Variants in DNM3 observed in about 807,000 individuals in gnomAD.
The protein encoded by DNM3 is dynamin-3.
A neutral mutation model predicts 101.6 loss-of-function variants in DNM3; 47 were observed. That is an observed-to-expected ratio of 0.46 (90% CI 0.37 to 0.59). DNM3 has a LOEUF of 0.59. DNM3 is among the 20% of genes least tolerant of loss of function. The pLI, the probability that DNM3 is intolerant of heterozygous loss-of-function variation, is 0.00. For missense variants in DNM3, 849 were observed against 1,085.7 expected, an observed-to-expected ratio of 0.78 and a Z score of 3.06; for synonymous variants, 385 against 387.9, an observed-to-expected ratio of 0.99 and a Z score of 0.09.
intron 17 of DNM3, among the ~76,000 whole-genome samples, chr1:172,343,887 T>C (rs976146644): frequency 6.6e-6 from 1 of 152,186 alleles, no homozygotes; most frequent in Admixed American, 6.5e-5. Context: ...TATTTTTACA[T>C]GTTATTTACT....
At chr1:172,306,996 G>A (rs1490235569) in intron 15 of DNM3, among the ~76,000 whole-genome samples, 1 of 152,126 alleles carries the variant, frequency 6.6e-6, no homozygotes. Flanking sequence ...AACACCAAAA[G>A]CAACCACAAC....
intron 14 of DNM3, among the ~76,000 whole-genome samples, chr1:172,173,071 G>C (rs1202222760): frequency 6.6e-6 from 1 of 151,834 alleles, no homozygotes; most frequent in Non-Finnish European, 1.5e-5. Flanking sequence ...GTATTTTAGA[G>C]AGATTATTCT....
chr1:171,955,243 A>G (rs1571814474), intron 2 of DNM3, among the ~76,000 whole-genome samples: 1 of 152,220 alleles, frequency 6.6e-6, no homozygotes, highest in South Asian at 2.1e-4. Flanking sequence ...TAATGGTAGG[A>G]AAGCTATGCA....
chr1:172,021,976 G>A (rs1245949810), intron 4 of DNM3, among the ~76,000 whole-genome samples: 1 of 152,156 alleles, frequency 6.6e-6, no homozygotes, highest in Non-Finnish European at 1.5e-5. Context: ...GAGACATCTA[G>A]TCAAACTTAG....
At chr1:172,371,409 C>A (rs996818934) in intron 17 of DNM3, among the ~76,000 whole-genome samples, 2 of 151,914 alleles carry the variant, frequency 1.3e-5, no homozygotes, top group African/African-American at 4.8e-5. Context: ...CTTCTGAATT[C>A]TTTTTTTAAT....
chr1:172,095,086 C>T (rs1323784700), intron 13 of DNM3, among the ~76,000 whole-genome samples: 3 of 152,304 alleles, frequency 2.0e-5, no homozygotes, highest in African/African-American at 4.8e-5. Flanking sequence ...TATTACATCT[C>T]AAGATAATAG....
chr1:172,242,539 C>A (rs1418462853), intron 14 of DNM3, among the ~76,000 whole-genome samples: 1 of 152,116 alleles, frequency 6.6e-6, no homozygotes, highest in Non-Finnish European at 1.5e-5. Flanking sequence ...GCCTCCTGGG[C>A]TCAAGTGATC....
At chr1:172,117,682 G>T (rs919724698) in intron 13 of DNM3, among the ~76,000 whole-genome samples, 2 of 152,166 alleles carry the variant, frequency 1.3e-5, no homozygotes, top group African/African-American at 4.8e-5. Flanking sequence ...GTGAATCAGG[G>T]TCCCACAAGT....
At chr1:172,255,297 A>G (rs1202996182) in intron 15 of DNM3, among the ~76,000 whole-genome samples, 1 of 152,160 alleles carries the variant, frequency 6.6e-6, no homozygotes, top group African/African-American at 2.4e-5. Context: ...AGTCTGCCAC[A>G]CTGCAGCCAA....
At chr1:172,358,106 G>C (rs2067542559) in intron 17 of DNM3, among the ~76,000 whole-genome samples, 1 of 152,038 alleles carries the variant, frequency 6.6e-6, no homozygotes, top group African/African-American at 2.4e-5. Flanking sequence ...ATCCTATTGG[G>C]AGGGTATACA....
chr1:171,901,192 C>T (rs1411625270), intron 1 of DNM3, among the ~76,000 whole-genome samples: 1 of 151,626 alleles, frequency 6.6e-6, no homozygotes, highest in Non-Finnish European at 1.5e-5. Context: ...CATACCCCAC[C>T]TGCCGGAATT....
At position 172,332,927 on chromosome 1, in the gene DNM3, T is replaced by C. The variant is rs1413480179; in HGVS notation, c.1893+9587T>C. On this transcript the variant is annotated intron_variant, in intron 17 of 20. Transcript: ENST00000627582. ...ATGTAAATCTAGAGTTCAGGGAAGATGTTTGCAGACAGAGATTTAGAAGTT... is the reference window on the plus strand; with the variant it reads ...ATGTAAATCTAGAGTTCAGGGAAGACGTTTGCAGACAGAGATTTAGAAGTT... Among the ~76,000 whole-genome samples the C allele has an allele frequency of 2.0e-5, 3 of 152,322 alleles. No homozygotes were observed. The East Asian group carries it at 5.8e-4, about 29-fold the overall frequency.
intron 14 of DNM3, among the ~76,000 whole-genome samples, chr1:172,211,168 A>G (rs932479830): frequency 6.6e-6 from 1 of 152,136 alleles, no homozygotes; most frequent in Non-Finnish European, 1.5e-5. Flanking sequence ...GCAAAGTAGC[A>G]TTATTGCTTA....
At chr1:171,873,566 T>G (rs2035488417) in intron 1 of DNM3, among the ~76,000 whole-genome samples, 1 of 151,818 alleles carries the variant, frequency 6.6e-6, no homozygotes, top group South Asian at 2.1e-4. Flanking sequence ...GTAAGGGGGA[T>G]CAGGCATGTC....
chr1:171,900,408 A>G (rs1042739321), intron 1 of DNM3, among the ~76,000 whole-genome samples: 2 of 152,164 alleles, frequency 1.3e-5, no homozygotes, highest in Non-Finnish European at 2.9e-5. Flanking sequence ...CCCAAGAAGG[A>G]GCGGACAACC....
chr1:172,068,807 T>G lies in DNM3; in HGVS notation c.1336-12T>G, dbSNP rs766869955. ...TTTGAGTATTAATACTCAGATCTGC[T>G]TTTCTTGACAGCTGGCAAACTTCCC... On this transcript the variant is annotated splice_polypyrimidine_tract_variant and intron_variant, in intron 10 of 20. Coordinates refer to ENST00000627582, the MANE Select transcript of DNM3 (RefSeq NM_015569.5). The G allele has an allele frequency of 6.4e-7, 1 of 1,561,500 alleles. No homozygotes were observed. Among genetic ancestry groups the G allele is most frequent in the Non-Finnish European group, 8.7e-7 (1 of 1,151,954 alleles).
chr1:172,178,365 A>AAAATCATTTCCATT (rs2059226961), intron 14 of DNM3, among the ~76,000 whole-genome samples: 1 of 151,940 alleles, frequency 6.6e-6, no homozygotes, highest in African/African-American at 2.4e-5. Context: ...TTCCATTGAG[A>AAAATCATTTCCATT]GTAATTTATT....
In DNM3 at chr1:171,847,896, C is replaced by CTGTGTGTGTGTG. The variant is rs752990905; in HGVS notation, c.161+6104_161+6115dup. On this transcript the variant is annotated intron_variant, in intron 1 of 20. Transcript: ENST00000627582. The stretch of plus-strand genomic sequence containing the variant: ...TATTAATTACTCTCTCTCTCTCTCT[C>CTGTGTGTGTGTG]TGTGTGTGTGTGTGTGTGTGTGTGT... Among the ~76,000 whole-genome samples, 173 of 141,230 alleles carry CTGTGTGTGTGTG rather than the reference C, an allele frequency of 1.2e-3. 4 individuals carry two copies. In the South Asian group the frequency reaches 0.016, roughly 13 times the overall value. 92.7% of individuals were successfully genotyped at this position (141,230 alleles called of 152,430 possible). A position where few individuals can be genotyped will look rare whatever the true frequency, so the allele number is the denominator to read the frequency against.
At chr1:172,241,562 A>G (rs562542016) in intron 14 of DNM3, among the ~76,000 whole-genome samples, 1 of 152,246 alleles carries the variant, frequency 6.6e-6, no homozygotes, top group African/African-American at 2.4e-5. Flanking sequence ...ATTAAGAGGG[A>G]TAAATCACTC....
Sources: gnomAD v4.1 joint callset for allele counts (sites outside exome capture counted in the v4.1 genomes callset) on GRCh38, gnomAD v4.1.1 for gene constraint, MANE v1.5 for transcripts, NCBI Gene and HGNC (gene_info 2026-07-23, HGNC 2026-07-21) for gene names.